Variants in NUP210 observed in about 807,000 individuals in gnomAD.
NUP210 encodes the protein nucleoporin 210, also known as nuclear pore membrane glycoprotein 210.
Under a neutral mutation model 196.0 loss-of-function variants are expected in NUP210, and 151 were observed. The ratio of observed to expected loss-of-function variants is 0.77; its 90% CI spans 0.67 to 0.88. NUP210 has a LOEUF of 0.88. Ranked by LOEUF, NUP210 falls within the 40% of genes least tolerant of loss-of-function variation. The pLI is 0.00. For synonymous variants in NUP210, 1,070 were observed against 1,052.7 expected, an observed-to-expected ratio of 1.02 and a Z score of -0.32; for missense variants, 2,314 against 2,493.7, an observed-to-expected ratio of 0.93 and a Z score of 1.53.
Position 13,379,819 on chromosome 3 carries a change from C to A in NUP210, c.818-98G>T. On this transcript the variant is annotated intron_variant, in intron 6 of 39. Transcript: ENST00000254508. The surrounding 1 kb of genome is among the most constrained non-coding windows in gnomAD (Gnocchi z 4.2). The stretch of plus-strand genomic sequence containing the variant: ...CCCACTGCCACCCCGAATCTCTGCA[C>A]TCTGCTCTCAGTACAGCTGACGCAT... The A allele has an allele frequency of 9.6e-7, 1 of 1,040,956 alleles. No homozygotes were observed. The highest frequency in any genetic ancestry group is 1.4e-6 in the Non-Finnish European group (1 of 725,532). 64.5% of individuals were successfully genotyped at this position (1,040,956 alleles called of 1,614,324 possible).
intron 2 of NUP210, among the ~76,000 whole-genome samples, chr3:13,399,015 T>C (rs1253108703): frequency 6.6e-6 from 1 of 152,160 alleles, no homozygotes; most frequent in South Asian, 2.1e-4. Flanking sequence ...CCGCCTGTAA[T>C]CCCAACACTT....
At chr3:13,382,782 C>A (rs572537066) in intron 6 of NUP210, among the ~76,000 whole-genome samples, 124 of 152,270 alleles carry the variant, frequency 8.1e-4, no homozygotes, top group African/African-American at 2.9e-3. Context: ...AGACACCATT[C>A]CCTGACTTTT....
Position 13,317,459 on chromosome 3 carries a change from G to A in NUP210, c.*222C>T. On this transcript the variant is annotated 3_prime_UTR_variant, in exon 40 of 40. Coordinates refer to ENST00000254508, the MANE Select transcript of NUP210 (RefSeq NM_024923.4). Reference sequence around the variant, plus strand: ...GAGCCAAAAAGTCTTAGCTTTGTAAGACTTGAAAGGAAAAAAACACACATT... The same window carrying A: ...GAGCCAAAAAGTCTTAGCTTTGTAAAACTTGAAAGGAAAAAAACACACATT... The A allele has an allele frequency of 1.8e-6, 1 of 560,402 alleles. No homozygotes were observed. Among genetic ancestry groups the A allele is most frequent in the African/African-American group, 1.9e-5 (1 of 52,808 alleles). The allele number at this position is 560,402 out of a possible 1,614,324, so 34.7% of individuals were successfully genotyped here.
chr3:13,338,652 T>C (rs1697327764), intron 25 of NUP210, among the ~76,000 whole-genome samples: 1 of 152,210 alleles, frequency 6.6e-6, no homozygotes, highest in Non-Finnish European at 1.5e-5. Flanking sequence ...TGCTCTGGAT[T>C]GGACAGATGG....
intron 1 of NUP210, among the ~76,000 whole-genome samples, chr3:13,403,374 A>G (rs1198668563): frequency 6.6e-6 from 1 of 152,058 alleles, no homozygotes; most frequent in Non-Finnish European, 1.5e-5. Context: ...GGGGCGAGGG[A>G]GCTCTCTGGG....
Position 13,327,347 on chromosome 3 carries a change from C to G in NUP210, c.4377G>C (p.Trp1459Cys), listed in dbSNP as rs779297386. The change falls in exon 32 of 40, where the codon TGG becomes TGC. Residue 1459 changes from tryptophan (W) to cysteine (C), a missense_variant. Transcript: ENST00000254508. ...CCGAGAGGCCCGGGTGCTCTGCGTC[C>G]CACACACGGAGCAGTGTCAGGCCCA... ...VSVGLTLLRVWDAEHPGLSDF... is the reference protein window; with the variant it reads ...VSVGLTLLRVCDAEHPGLSDF... 1.2e-6 allele frequency: 2 copies of G among 1,613,378 alleles called. No individual in the cohort carries two copies. Among genetic ancestry groups the G allele is most frequent in the Non-Finnish European group, 8.5e-7 (1 of 1,179,960 alleles).
At chr3:13,334,242 C>T (rs1250160344) in intron 28 of NUP210, among the ~76,000 whole-genome samples, 3 of 152,230 alleles carry the variant, frequency 2.0e-5, no homozygotes, top group African/African-American at 7.2e-5. Context: ...TGCCAAGTGA[C>T]CCAACTGAGG....
intron 14 of NUP210, among the ~76,000 whole-genome samples, chr3:13,363,927 G>A (rs915359677): frequency 1.3e-5 from 2 of 152,118 alleles, no homozygotes; most frequent in Non-Finnish European, 2.9e-5. Context: ...CCCCTCTCCA[G>A]GTGCCTGGTG....
chr3:13,387,499 C>T (rs1699314449), intron 5 of NUP210, among the ~76,000 whole-genome samples: 1 of 152,222 alleles, frequency 6.6e-6, no homozygotes, highest in East Asian at 1.9e-4. Flanking sequence ...CAGGGCATGT[C>T]CCCATGTTTC....
At position 13,384,550 on chromosome 3, in the gene NUP210, C is replaced by T. The variant is rs530609777; in HGVS notation, c.817+1725G>A. Among the ~76,000 whole-genome samples, 5 of 152,292 alleles carry T rather than the reference C, an allele frequency of 3.3e-5. No individual in the cohort carries two copies. In the South Asian group the frequency reaches 1.0e-3, roughly 32 times the overall value. On this transcript the variant is annotated intron_variant, in intron 6 of 39. Coordinates refer to ENST00000254508, the MANE Select transcript of NUP210 (RefSeq NM_024923.4). ...AGCAGTTTGAGATCAGACTGGTCAACATAGCAAGACCAAGTCTCTAAAAAA... is the reference window on the plus strand; with the variant it reads ...AGCAGTTTGAGATCAGACTGGTCAATATAGCAAGACCAAGTCTCTAAAAAA...
intron 4 of NUP210, among the ~76,000 whole-genome samples, chr3:13,389,582 C>T (rs559637188): frequency 9.8e-5 from 15 of 152,306 alleles, no homozygotes; most frequent in Non-Finnish European, 2.1e-4. Flanking sequence ...CCAGAACCCA[C>T]AGAGCTGGTC....
At chr3:13,408,599 C>A (rs1700069110) in intron 1 of NUP210, among the ~76,000 whole-genome samples, 1 of 152,036 alleles carries the variant, frequency 6.6e-6, no homozygotes, top group Admixed American at 6.6e-5. Context: ...ACTAGCCTGA[C>A]CAACATGGTG....
At chr3:13,388,853 C>T (rs542786841) in intron 4 of NUP210, among the ~76,000 whole-genome samples, 1 of 152,348 alleles carries the variant, frequency 6.6e-6, no homozygotes, top group East Asian at 1.9e-4. Flanking sequence ...GCACCCTCAC[C>T]TCCCCGAGGC....
At chr3:13,382,233 C>T (rs1699127754) in intron 6 of NUP210, among the ~76,000 whole-genome samples, 1 of 152,234 alleles carries the variant, frequency 6.6e-6, no homozygotes, top group Non-Finnish European at 1.5e-5. Flanking sequence ...CAGTGGCAGT[C>T]ATGTCTGCAA....
chr3:13,341,381 T>C (rs1697486381), intron 23 of NUP210, among the ~76,000 whole-genome samples: 1 of 152,208 alleles, frequency 6.6e-6, no homozygotes, highest in Non-Finnish European at 1.5e-5. Flanking sequence ...GACCAATGGT[T>C]AAGGAGTTCT....
intron 12 of NUP210, among the ~76,000 whole-genome samples, chr3:13,373,138 G>A (rs1698787900): frequency 6.6e-6 from 1 of 152,228 alleles, no homozygotes; most frequent in African/African-American, 2.4e-5. Flanking sequence ...GGAATAAAGG[G>A]GCTGAGGTCA....
At chr3:13,345,649 C>T (rs1232898525) in intron 20 of NUP210, among the ~76,000 whole-genome samples, 1 of 152,192 alleles carries the variant, frequency 6.6e-6, no homozygotes, top group Admixed American at 6.5e-5. Context: ...CAATGACTTA[C>T]AGTAGATGAA....
chr3:13,352,759 G>T (rs6777313), intron 18 of NUP210, among the ~76,000 whole-genome samples: 3 of 152,292 alleles, frequency 2.0e-5, no homozygotes, highest in Admixed American at 1.3e-4. Flanking sequence ...AGCAACTGCC[G>T]GCAGGGAGAG....
intron 1 of NUP210, among the ~76,000 whole-genome samples, chr3:13,418,430 TAAAAATAC>T (rs1303475409): frequency 6.6e-6 from 1 of 151,788 alleles, no homozygotes; most frequent in Admixed American, 6.6e-5. Flanking sequence ...CCATCTTTAC[TAAAAATAC>T]AAAAATTGGC....
Sources: allele counts gnomAD v4.1 joint callset (sites outside exome capture counted in the v4.1 genomes callset), GRCh38; gene constraint gnomAD v4.1.1; non-coding constraint Gnocchi (gnomAD v3.1); transcripts MANE v1.5; gene names NCBI Gene and HGNC (gene_info 2026-07-23, HGNC 2026-07-21).